Variants in MYO9A observed in about 807,000 individuals in gnomAD.
MYO9A encodes the protein myosin IXA, also known as unconventional myosin-IXa.
In MYO9A, 103 loss-of-function variants were observed where a neutral mutation model predicts 293.3. The observed-to-expected ratio is 0.35, with a 90% confidence interval of 0.30 to 0.41. MYO9A has a LOEUF of 0.41. MYO9A is among the 10% of genes least tolerant of loss of function. The pLI is 1.00. For synonymous variants in MYO9A, 1,001 were observed against 1,035.7 expected, an observed-to-expected ratio of 0.97 and a Z score of 0.64; for missense variants, 2,685 against 3,033.0, an observed-to-expected ratio of 0.89 and a Z score of 2.69.
At chr15:71,842,721 G>A (rs1019614222) in intron 39 of MYO9A, among the ~76,000 whole-genome samples, 10 of 151,818 alleles carry the variant, frequency 6.6e-5, no homozygotes, top group Non-Finnish European at 1.2e-4. Flanking sequence ...TCAGCCGGGC[G>A]TGGTGGCGGG....
intron 1 of MYO9A, among the ~76,000 whole-genome samples, chr15:72,087,565 AAGT>A: frequency 6.6e-6 from 1 of 152,156 alleles, no homozygotes; most frequent in Non-Finnish European, 1.5e-5. Context: ...CACCAGGAAC[AAGT>A]CCTGGTGCAT....
chr15:71,952,071 A>T (rs552316412), intron 14 of MYO9A, among the ~76,000 whole-genome samples, 175 bp from the exon 15 acceptor site: 1 of 152,330 alleles, frequency 6.6e-6, no homozygotes, highest in South Asian at 2.1e-4. Flanking sequence ...GAAAATGCTT[A>T]AAAATAACAG....
chr15:71,956,013 T>C (rs1184675304), intron 14 of MYO9A, among the ~76,000 whole-genome samples: 1 of 151,912 alleles, frequency 6.6e-6, no homozygotes, highest in African/African-American at 2.4e-5. Context: ...TTCTTTGATA[T>C]AATGAGAACC....
chr15:72,084,265 C>T (rs1289675572), intron 1 of MYO9A, among the ~76,000 whole-genome samples: 2 of 152,084 alleles, frequency 1.3e-5, no homozygotes, highest in Admixed American at 1.3e-4. Flanking sequence ...TGTCCTTCTT[C>T]ATCTTTGTTG....
chr15:72,060,393 T>TA (rs1566995452), intron 1 of MYO9A, among the ~76,000 whole-genome samples: 1 of 150,578 alleles, frequency 6.6e-6, no homozygotes, highest in East Asian at 1.9e-4. Context: ...TATTAGAAAA[T>TA]AAAAAATAAA....
intron 18 of MYO9A, among the ~76,000 whole-genome samples, chr15:71,917,349 A>C (rs1441829722): frequency 6.6e-6 from 1 of 152,120 alleles, no homozygotes; most frequent in Non-Finnish European, 1.5e-5. Context: ...AGCCTGGCTA[A>C]CACAGTGAAA....
chr15:71,851,662 T>C (rs919006053), intron 36 of MYO9A, among the ~76,000 whole-genome samples: 1 of 152,170 alleles, frequency 6.6e-6, no homozygotes, highest in African/African-American at 2.4e-5. Flanking sequence ...GTCAACATAA[T>C]TTATGAATCC....
intron 9 of MYO9A, among the ~76,000 whole-genome samples, chr15:71,996,261 C>T (rs892933419): frequency 6.6e-6 from 1 of 152,042 alleles, no homozygotes; most frequent in Non-Finnish European, 1.5e-5. Flanking sequence ...AACATTATCA[C>T]AATAAATTTT....
In MYO9A at chr15:71,823,694, G is replaced by T. The variant is rs950221736; in HGVS notation, c.*2886C>A. The T allele has an allele frequency of 6.6e-6, 1 of 152,118 alleles. No homozygotes were observed. The highest frequency in any genetic ancestry group is 1.5e-5 in the Non-Finnish European group (1 of 68,028). 9.4% of individuals were successfully genotyped at this position (152,118 alleles called of 1,614,324 possible). The stretch of plus-strand genomic sequence containing the variant: ...ATAATAAGTACATACTAAATTACAG[G>T]GATACATTCACTTTAATGGGCAGAG... On this transcript the variant is annotated 3_prime_UTR_variant, in exon 42 of 42. Transcript: ENST00000356056.
At chr15:71,919,039 C>T (rs1339532296) in intron 18 of MYO9A, among the ~76,000 whole-genome samples, 1 of 152,104 alleles carries the variant, frequency 6.6e-6, no homozygotes, top group Non-Finnish European at 1.5e-5. Context: ...AAAAAATAGC[C>T]CACTTCTATG....
At chr15:71,949,528 G>A (rs1206373383) in intron 15 of MYO9A, among the ~76,000 whole-genome samples, 1 of 151,598 alleles carries the variant, frequency 6.6e-6, no homozygotes, top group African/African-American at 2.4e-5. Context: ...AAGGCAGAAA[G>A]ACTTCAGTTT....
At chr15:71,891,180 AAG>A (rs1398869374) in intron 26 of MYO9A, 1 of 152,272 alleles carries the variant, frequency 6.6e-6, no homozygotes, top group Non-Finnish European at 1.5e-5. Context: ...CTCGTGGTGA[AAG>A]AGAAGAAAAT....
At chr15:72,087,324 T>C (rs747692497) in intron 1 of MYO9A, among the ~76,000 whole-genome samples, 5 of 152,224 alleles carry the variant, frequency 3.3e-5, no homozygotes, top group Non-Finnish European at 7.4e-5. Context: ...TGGGCATCCC[T>C]GGCCATGCTC....
chr15:72,085,271 T>C (rs1235795316), intron 1 of MYO9A, among the ~76,000 whole-genome samples: 2 of 151,996 alleles, frequency 1.3e-5, no homozygotes, highest in African/African-American at 4.8e-5. Context: ...CACAGGCCTG[T>C]AGCCCCCGCT....
chr15:71,977,399 G>A (rs932218799), intron 12 of MYO9A, among the ~76,000 whole-genome samples: 3 of 152,046 alleles, frequency 2.0e-5, no homozygotes, highest in African/African-American at 7.2e-5. Context: ...ACTATGCCCA[G>A]CTAATTTTCA....
intron 1 of MYO9A, among the ~76,000 whole-genome samples, chr15:72,097,607 T>C (rs8182011): frequency 0.24 from 36,985 of 152,148 alleles, 4,996 homozygotes; most frequent in East Asian, 0.59. Flanking sequence ...TATGCCTGTA[T>C]ATAAACTGGA....
At chr15:72,055,711 A>G (rs1238660987) in intron 1 of MYO9A, among the ~76,000 whole-genome samples, 1 of 152,236 alleles carries the variant, frequency 6.6e-6, no homozygotes, top group Non-Finnish European at 1.5e-5. Flanking sequence ...ACATGAAAAA[A>G]TGCTCAACAG....
In MYO9A at chr15:72,056,458, A is replaced by T. The variant is rs538567096; in HGVS notation, c.-71-9824T>A. 4.6e-5 allele frequency among the ~76,000 whole-genome samples: 7 copies of T among 152,378 alleles called. No individual in the cohort carries two copies. The South Asian group carries it at 1.2e-3, about 27-fold the overall frequency. Reference sequence around the variant, plus strand: ...TTCACAGTGACCTGGATGGAACTGGAGACCATTAATCTAAGTGAAGTAACT... The same window carrying T: ...TTCACAGTGACCTGGATGGAACTGGTGACCATTAATCTAAGTGAAGTAACT... On this transcript the variant is annotated intron_variant, in intron 1 of 41. Coordinates refer to ENST00000356056, the MANE Select transcript of MYO9A (RefSeq NM_006901.4).
intron 18 of MYO9A, among the ~76,000 whole-genome samples, chr15:71,920,092 C>T (rs1477796970): frequency 6.6e-6 from 1 of 151,978 alleles, no homozygotes. Flanking sequence ...AAAATAGGAC[C>T]GTAAATCTAG....
Sources: gnomAD v4.1 joint callset for allele counts (sites outside exome capture counted in the v4.1 genomes callset) on GRCh38, gnomAD v4.1.1 for gene constraint, MANE v1.5 for transcripts, NCBI Gene and HGNC (gene_info 2026-07-23, HGNC 2026-07-21) for gene names.